Variants in UBE2E2 observed in about 807,000 individuals in gnomAD.
The protein encoded by UBE2E2 is ubiquitin-conjugating enzyme E2 E2.
A neutral mutation model predicts 24.7 loss-of-function variants in UBE2E2; 6 were observed. That is an observed-to-expected ratio of 0.24 (90% CI 0.13 to 0.48). UBE2E2 has a LOEUF of 0.48. UBE2E2 is among the 20% of genes least tolerant of loss of function. The probability of loss-of-function intolerance (pLI) is 0.99; values close to 1 mark genes in which losing one functional copy is unlikely to be tolerated. For missense variants in UBE2E2, 169 were observed against 245.0 expected (o/e 0.69, Z 2.07); for synonymous variants, 104 against 83.6 (o/e 1.24, Z -1.33).
chr3:23,463,908 A>T (rs1332739184), intron 3 of UBE2E2, among the ~76,000 whole-genome samples: 2 of 152,176 alleles, frequency 1.3e-5, no homozygotes, highest in Non-Finnish European at 2.9e-5. Flanking sequence ...ATTTTCATTA[A>T]ACCCTTTTAA....
intron 5 of UBE2E2, among the ~76,000 whole-genome samples, chr3:23,581,807 T>C (rs1486642600): frequency 6.6e-6 from 1 of 152,244 alleles, no homozygotes; most frequent in Non-Finnish European, 1.5e-5. Flanking sequence ...TGTTCTTTGG[T>C]CTTGCAAATA....
chr3:23,272,670 C>CAGAG (rs537050062), intron 3 of UBE2E2, among the ~76,000 whole-genome samples: 28 of 149,886 alleles, frequency 1.9e-4, no homozygotes, highest in South Asian at 6.3e-4. Flanking sequence ...ATCTATATCT[C>CAGAG]AGAGAGAGAG....
intron 3 of UBE2E2, among the ~76,000 whole-genome samples, chr3:23,494,181 T>A (rs1699556206): frequency 6.6e-6 from 1 of 152,178 alleles, no homozygotes; most frequent in African/African-American, 2.4e-5. Context: ...TAAGTGATCA[T>A]TAAAAGATTA....
At chr3:23,508,210 A>T (rs1355798598) in intron 4 of UBE2E2, among the ~76,000 whole-genome samples, 1 of 152,184 alleles carries the variant, frequency 6.6e-6, no homozygotes, top group African/African-American at 2.4e-5. Context: ...ATTGATCAAA[A>T]TGGTGTCATT....
At chr3:23,299,958 C>G (rs935669796) in intron 3 of UBE2E2, among the ~76,000 whole-genome samples, 1 of 152,084 alleles carries the variant, frequency 6.6e-6, no homozygotes, top group African/African-American at 2.4e-5. Context: ...CTTTATGAAT[C>G]TGGGTGCTCC....
rs143208851 is a variant in UBE2E2 at position 23,325,588 on chromosome 3, A to G, written c.227+108276A>G. On this transcript the variant is annotated intron_variant, in intron 3 of 5. Coordinates refer to ENST00000396703, the MANE Select transcript of UBE2E2 (RefSeq NM_152653.4). ...TTTTAAAGTCTAAACCCATAGACTT[A>G]CACACTTAGTCTTTGTCCACTAGTC... Among the ~76,000 whole-genome samples the G allele has an allele frequency of 3.0e-4, 45 of 152,356 alleles. No homozygotes were observed. The East Asian group carries it at 8.3e-3, about 28-fold the overall frequency.
intron 3 of UBE2E2, among the ~76,000 whole-genome samples, chr3:23,240,310 T>A: frequency 6.6e-6 from 1 of 152,216 alleles, no homozygotes; most frequent in African/African-American, 2.4e-5. Context: ...TGTTTCATAC[T>A]GTTCTGGAGC....
chr3:23,414,669 A>C (rs1697581258), intron 3 of UBE2E2, among the ~76,000 whole-genome samples: 1 of 152,186 alleles, frequency 6.6e-6, no homozygotes, highest in South Asian at 2.1e-4. Flanking sequence ...CAAAATTCTT[A>C]TGTTGAAATC....
chr3:23,310,921 A>G (rs1258039960), intron 3 of UBE2E2, among the ~76,000 whole-genome samples: 1 of 152,086 alleles, frequency 6.6e-6, no homozygotes, highest in Non-Finnish European at 1.5e-5. Context: ...GGTTTGTTAC[A>G]TATGTATACA....
chr3:23,500,554 A>G (rs1344013755), intron 4 of UBE2E2, among the ~76,000 whole-genome samples: 3 of 152,252 alleles, frequency 2.0e-5, no homozygotes, highest in Non-Finnish European at 1.5e-5. Context: ...TGTTTTGACT[A>G]CCAAGAAAGA....
At chr3:23,429,437 T>C (rs1235406409) in intron 3 of UBE2E2, among the ~76,000 whole-genome samples, 3 of 152,164 alleles carry the variant, frequency 2.0e-5, no homozygotes, top group Non-Finnish European at 4.4e-5. Flanking sequence ...CTATACACCA[T>C]GACCAAATGG....
chr3:23,493,969 G>A (rs57060025), intron 3 of UBE2E2, among the ~76,000 whole-genome samples: 135 of 152,194 alleles, frequency 8.9e-4, no homozygotes, highest in African/African-American at 2.9e-3. Context: ...TACAAGATTT[G>A]TGCTATAATG....
intron 3 of UBE2E2, chr3:23,271,203 A>G (rs528072669): frequency 6.9e-5 from 27 of 392,790 alleles, no homozygotes; most frequent in Admixed American, 6.5e-4. Flanking sequence ...TGACTTCAAG[A>G]ATGAAGCCAC....
intron 3 of UBE2E2, among the ~76,000 whole-genome samples, chr3:23,232,775 G>A (rs1408077982): frequency 6.6e-6 from 1 of 152,196 alleles, no homozygotes; most frequent in African/African-American, 2.4e-5. Flanking sequence ...TCGATTAAGA[G>A]ACAATTATTT....
chr3:23,368,128 A>G (rs1274345372), intron 3 of UBE2E2, among the ~76,000 whole-genome samples: 3 of 152,116 alleles, frequency 2.0e-5, no homozygotes, highest in Admixed American at 2.0e-4. Flanking sequence ...ACTAGTATAC[A>G]TCAATATTTT....
chr3:23,562,183 C>T (rs1174912501), intron 5 of UBE2E2, among the ~76,000 whole-genome samples: 1 of 152,030 alleles, frequency 6.6e-6, no homozygotes. Context: ...TTTGCCCATT[C>T]AGTATGATAT....
intron 3 of UBE2E2, chr3:23,323,616 G>GA (rs944365069): frequency 1.2e-5 from 5 of 414,526 alleles, no homozygotes; most frequent in African/African-American, 6.4e-5. Flanking sequence ...TTCAAAATCT[G>GA]AAAAAATAAA....
chr3:23,565,191 A>G (rs1198064798), intron 5 of UBE2E2, among the ~76,000 whole-genome samples: 2 of 152,050 alleles, frequency 1.3e-5, no homozygotes, highest in Non-Finnish European at 2.9e-5. Context: ...TCTGGGAGAG[A>G]TGACACATTA....
intron 3 of UBE2E2, among the ~76,000 whole-genome samples, chr3:23,454,330 G>A (rs1301095515): frequency 1.3e-5 from 2 of 152,046 alleles, no homozygotes; most frequent in Non-Finnish European, 2.9e-5. Flanking sequence ...AGAACAAAAC[G>A]CTTTGAAAAA....
Sources: gnomAD v4.1 joint callset for allele counts (sites outside exome capture counted in the v4.1 genomes callset) on GRCh38, gnomAD v4.1.1 for gene constraint, MANE v1.5 for transcripts, NCBI Gene and HGNC (gene_info 2026-07-23, HGNC 2026-07-21) for gene names.